Variants in CLDN18 observed in about 807,000 individuals in gnomAD.
CLDN18 encodes the protein claudin 18.
A neutral mutation model predicts 25.0 loss-of-function variants in CLDN18; 20 were observed. The ratio of observed to expected loss-of-function variants is 0.80; its 90% CI spans 0.56 to 1.16. The LOEUF is 1.16. Ranked by LOEUF, CLDN18 falls within the 50% of genes most tolerant of loss-of-function variation. The pLI is 0.00. For synonymous variants in CLDN18, 125 were observed against 135.6 expected (o/e 0.92, Z 0.54); for missense variants, 297 against 345.4 (o/e 0.86, Z 1.11).
At chr3:138,016,568 T>C (rs1374303484) in intron 1 of CLDN18, among the ~76,000 whole-genome samples, 1 of 152,188 alleles carries the variant, frequency 6.6e-6, no homozygotes, top group Non-Finnish European at 1.5e-5. Context: ...GGCTCCATCA[T>C]GTCCCTGGCT....
intron 1 of CLDN18, among the ~76,000 whole-genome samples, chr3:138,004,436 G>A (rs1942047469): frequency 6.6e-6 from 1 of 151,632 alleles, no homozygotes; most frequent in Non-Finnish European, 1.5e-5. Context: ...CTAGGTATAA[G>A]AAGAAGCAGA....
At chr3:138,002,788 C>T (rs1942031935) in intron 1 of CLDN18, among the ~76,000 whole-genome samples, 1 of 152,154 alleles carries the variant, frequency 6.6e-6, no homozygotes, top group Non-Finnish European at 1.5e-5. Flanking sequence ...TCACTAGGCC[C>T]ATAACCAGTA....
At position 138,031,241 on chromosome 3, in the gene CLDN18, G is replaced by A; in HGVS notation, c.*100G>A. On this transcript the variant is annotated 3_prime_UTR_variant, in exon 5 of 5. Coordinates refer to ENST00000183605, the MANE Select transcript of CLDN18 (RefSeq NM_016369.4). The stretch of plus-strand genomic sequence containing the variant: ...GATTTCTTCTTGCTTTTGACTCACA[G>A]CTGGAAGTTAGAAAAGCCTCGATTT... 1 of 1,130,510 alleles carries A rather than the reference G, an allele frequency of 8.8e-7. No individual in the cohort carries two copies. The allele number at this position is 1,130,510 out of a possible 1,614,324, so 70.0% of individuals were successfully genotyped here. A position where few individuals can be genotyped will look rare whatever the true frequency, so the allele number is the denominator to read the frequency against.
At position 138,031,198 on chromosome 3, in the gene CLDN18, A is replaced by G. The variant is rs571741712; in HGVS notation, c.*57A>G. On this transcript the variant is annotated 3_prime_UTR_variant, in exon 5 of 5. Coordinates refer to ENST00000183605, the MANE Select transcript of CLDN18 (RefSeq NM_016369.4). ...AACTCCCGGAGAGCTCACCCAAAAA[A>G]CAAGGAGATCCCATCTAGATTTCTT... 1.1e-5 allele frequency: 15 copies of G among 1,417,422 alleles called. No individual in the cohort carries two copies. In the African/African-American group the frequency reaches 2.1e-4, roughly 20 times the overall value. 87.8% of individuals were successfully genotyped at this position (1,417,422 alleles called of 1,614,324 possible). A position where few individuals can be genotyped will look rare whatever the true frequency, so the allele number is the denominator to read the frequency against.
chr3:138,024,101 G>A lies in CLDN18; in HGVS notation c.385+279G>A, dbSNP rs921180814. ...CAAGACAGGAGGATCACTTGAGTCCGGGAGTTCAAGACCAGCCTAGGCAGC... is the reference window on the plus strand; with the variant it reads ...CAAGACAGGAGGATCACTTGAGTCCAGGAGTTCAAGACCAGCCTAGGCAGC... On this transcript the variant is annotated intron_variant, in intron 2 of 4. Coordinates refer to ENST00000183605, the MANE Select transcript of CLDN18 (RefSeq NM_016369.4). Among the ~76,000 whole-genome samples, 11 of 151,932 alleles carry A rather than the reference G, an allele frequency of 7.2e-5. 1 individual carries two copies. The South Asian group carries it at 1.2e-3, about 17-fold the overall frequency.
upstream of CLDN18, among the ~76,000 whole-genome samples, chr3:138,007,657 G>A (rs148480723): frequency 0.011 from 1,664 of 150,836 alleles, 24 homozygotes; most frequent in African/African-American, 0.039. Context: ...ATGTATCCTA[G>A]AACTTAAAGT....
At chr3:138,028,199 G>A (rs1942349631) in intron 3 of CLDN18, among the ~76,000 whole-genome samples, 3 of 151,958 alleles carry the variant, frequency 2.0e-5, no homozygotes, top group Admixed American at 2.0e-4. Context: ...CAAGTTGCTG[G>A]GATTACAGGC....
intron 1 of CLDN18, among the ~76,000 whole-genome samples, chr3:138,016,613 G>C (rs1056648779): frequency 6.6e-6 from 1 of 152,132 alleles, no homozygotes; most frequent in Non-Finnish European, 1.5e-5. Context: ...TTTCTAAAGT[G>C]TTTGCAAACA....
intron 1 of CLDN18, among the ~76,000 whole-genome samples, chr3:138,012,322 T>G (rs1435895693): frequency 6.6e-6 from 1 of 152,172 alleles, no homozygotes; most frequent in African/African-American, 2.4e-5. Context: ...AGTCACCAAC[T>G]CCTAGTTCTC....
chr3:138,015,837 A>G (rs2107881535), intron 1 of CLDN18, among the ~76,000 whole-genome samples: 1 of 152,362 alleles, frequency 6.6e-6, no homozygotes, highest in Non-Finnish European at 1.5e-5. Flanking sequence ...CATTCGTCTG[A>G]CAAAAATGTA....
chr3:138,004,046 C>CGT (rs1942043628), intron 1 of CLDN18, among the ~76,000 whole-genome samples: 2 of 151,822 alleles, frequency 1.3e-5, no homozygotes, highest in African/African-American at 4.8e-5. Context: ...TGGTGGTGCA[C>CGT]GCCTGTAGTC....
chr3:138,029,677 G>A lies in CLDN18; in HGVS notation c.504-120G>A, dbSNP rs117487588. ...CACAGGAATGTGTGTTCAGGGGCATGGTCAGGGATGGATGTGGAATCCAAA... is the reference window on the plus strand; with the variant it reads ...CACAGGAATGTGTGTTCAGGGGCATAGTCAGGGATGGATGTGGAATCCAAA... On this transcript the variant is annotated intron_variant, in intron 3 of 4. Transcript: ENST00000183605. 349 of 632,072 alleles carry A rather than the reference G, an allele frequency of 5.5e-4. 3 individuals carry two copies. The East Asian group carries it at 8.8e-3, about 16-fold the overall frequency. The allele number at this position is 632,072 out of a possible 1,614,324, so 39.2% of individuals were successfully genotyped here. A position where few individuals can be genotyped will look rare whatever the true frequency, so the allele number is the denominator to read the frequency against.
intron 1 of CLDN18, among the ~76,000 whole-genome samples, chr3:138,019,401 A>G (rs1030761098): frequency 3.9e-5 from 6 of 152,148 alleles, no homozygotes; most frequent in African/African-American, 1.4e-4. Flanking sequence ...GGGCTCCTCC[A>G]TTAGCCCTCT....
intron 1 of CLDN18, among the ~76,000 whole-genome samples, chr3:138,016,236 A>T (rs78639853): frequency 0.014 from 2,128 of 152,322 alleles, 37 homozygotes; most frequent in African/African-American, 0.048. Context: ...AGAAACAGGA[A>T]GTGAACACAA....
intron 1 of CLDN18, among the ~76,000 whole-genome samples, chr3:138,012,440 C>G (rs1942145220): frequency 6.6e-6 from 1 of 152,134 alleles, no homozygotes; most frequent in Non-Finnish European, 1.5e-5. Context: ...CTTCCTAACC[C>G]CTCACCTACC....
At chr3:138,011,328 A>C (rs915044227) in intron 1 of CLDN18, among the ~76,000 whole-genome samples, 1 of 152,228 alleles carries the variant, frequency 6.6e-6, no homozygotes, top group African/African-American at 2.4e-5. Flanking sequence ...GATGGAAATA[A>C]ATTTGCAAGA....
upstream of CLDN18, among the ~76,000 whole-genome samples, chr3:138,007,938 C>A (rs951677779): frequency 5.9e-5 from 9 of 152,276 alleles, no homozygotes; most frequent in East Asian, 1.7e-3. Context: ...CACTGTAGAT[C>A]ATGTAACTGT....
At chr3:138,012,614 T>C (rs1044790474) in intron 1 of CLDN18, among the ~76,000 whole-genome samples, 4 of 152,048 alleles carry the variant, frequency 2.6e-5, no homozygotes, top group African/African-American at 9.7e-5. Flanking sequence ...AGCCCCCAAA[T>C]TGAATAAAGA....
At chr3:138,002,372 C>G (rs552707420) in intron 1 of CLDN18, among the ~76,000 whole-genome samples, 1 of 152,262 alleles carries the variant, frequency 6.6e-6, no homozygotes, top group East Asian at 1.9e-4. Flanking sequence ...CAAAGACAGG[C>G]CTGTGAAATG....
Sources: gnomAD v4.1 joint callset for allele counts (sites outside exome capture counted in the v4.1 genomes callset) on GRCh38, gnomAD v4.1.1 for gene constraint, MANE v1.5 for transcripts, NCBI Gene and HGNC (gene_info 2026-07-23, HGNC 2026-07-21) for gene names.